STMN3: variants seen among roughly 807,000 people sequenced by gnomAD.
STMN3 encodes stathmin 3.
A neutral mutation model predicts 23.2 loss-of-function variants in STMN3; 24 were observed. The ratio of observed to expected loss-of-function variants is 1.03; its 90% CI spans 0.75 to 1.45. The LOEUF is 1.45. STMN3 is among the 40% of genes most tolerant of loss of function. The probability of loss-of-function intolerance (pLI) is 0.00; values close to 1 mark genes in which losing one functional copy is unlikely to be tolerated. For missense variants in STMN3, 235 were observed against 237.6 expected, an observed-to-expected ratio of 0.99 and a Z score of 0.07; for synonymous variants, 117 against 103.4, an observed-to-expected ratio of 1.13 and a Z score of -0.80.
chr20:63,644,414 G>A (rs2089793355), intron 1 of STMN3, 105 bp from the exon 2 acceptor site: 1 of 823,640 alleles, frequency 1.2e-6, no homozygotes, highest in South Asian at 1.5e-5. Context: ...GTGAGACACG[G>A]AGCTGCCCAG....
At chr20:63,644,428 GCT>G (rs2089793461) in intron 1 of STMN3, 119 bp from the exon 2 acceptor site, 2 of 729,942 alleles carry the variant, frequency 2.7e-6, no homozygotes, top group African/African-American at 1.7e-5. Context: ...TGCCCAGCAC[GCT>G]CTCTTGTGTG....
At position 63,647,834 on chromosome 20, in the gene STMN3, A is replaced by G. The variant is rs995381779; in HGVS notation, c.20-3525T>C. ...ACGTGTATATATAATATATATACGT[A>G]TATATGTATATATTAATATATATAC... On this transcript the variant is annotated intron_variant, in intron 1 of 4. Transcript: ENST00000370053. Among the ~76,000 whole-genome samples, 54 of 127,604 alleles carry G rather than the reference A, an allele frequency of 4.2e-4. 4 individuals are homozygous for G. Among genetic ancestry groups the G allele is most frequent in the Non-Finnish European group, 7.3e-4 (43 of 59,162 alleles). The allele number at this position is 127,604 out of a possible 152,430, so 83.7% of individuals were successfully genotyped here.
In STMN3 at chr20:63,641,345, G is replaced by C; in HGVS notation, c.536C>G (p.Ser179Trp). The change falls in exon 5 of 5, where the codon TCG becomes TGG. Residue 179 changes from serine to tryptophan, a missense_variant. By Grantham distance (177) the Ser-to-Trp change is radical. Coordinates refer to ENST00000370053, the MANE Select transcript of STMN3 (RefSeq NM_015894.4). ...RRNKEQREEM[S>W]G ...GCCGCCCGTCCCGGGCCCTTAGCCC[G>C]ACATCTCTTCTCGCTGCTCCTTGTT... 2 of 1,566,504 alleles carry C rather than the reference G, an allele frequency of 1.3e-6. No homozygotes were observed. Among genetic ancestry groups the C allele is most frequent in the Non-Finnish European group, 1.7e-6 (2 of 1,156,442 alleles).
intron 4 of STMN3, 23 bp from the exon 5 acceptor site, chr20:63,641,420 GC>G (rs1446082122): frequency 6.4e-7 from 1 of 1,553,410 alleles, no homozygotes; most frequent in Admixed American, 1.9e-5. Flanking sequence ...GGGCGGGAGG[GC>G]CTGAGGGCGG....
At chr20:63,651,552 A>C (rs1274569109) in intron 1 of STMN3, among the ~76,000 whole-genome samples, 1 of 152,150 alleles carries the variant, frequency 6.6e-6, no homozygotes, top group Non-Finnish European at 1.5e-5. Context: ...AGGAGCCACC[A>C]GCCGATTTGC....
At position 63,653,335 on chromosome 20, in the gene STMN3, G is replaced by T. The variant is rs1264062983; in HGVS notation, c.11C>A (p.Thr4Asn). 2 of 1,548,304 alleles carry T rather than the reference G, an allele frequency of 1.3e-6. No individual in the cohort carries two copies. Among genetic ancestry groups the T allele is most frequent in the South Asian group, 1.2e-5 (1 of 84,078 alleles). Residue 4 changes from threonine (T) to asparagine (N), a missense_variant, in exon 1 of 5, where the codon ACC becomes AAC. By Grantham distance (65) the Thr-to-Asn change is moderately conservative (BLOSUM62 0). Transcript: ENST00000370053. ...GTGGCCCCGGAGCCTACCGGAAATG[G>T]TGCTGGCCATGGTGCTGGCGGCGGT... MAS[T>N]ISAYKEKMKE... is the part of the protein sequence containing the mutation.
Position 63,640,308 on chromosome 20 carries a change from G to A in STMN3, c.*1030C>T, listed in dbSNP as rs149523829. Reference sequence around the variant, plus strand: ...CAGCCCAGAGGGTGTGGGCAGGAGAGGCCTGGAGTCAGGCCTCCACCCACA... The same window carrying A: ...CAGCCCAGAGGGTGTGGGCAGGAGAAGCCTGGAGTCAGGCCTCCACCCACA... On this transcript the variant is annotated 3_prime_UTR_variant, in exon 5 of 5. Transcript: ENST00000370053. 2.0e-3 allele frequency: 300 copies of A among 152,686 alleles called. No individual in the cohort carries two copies. Among genetic ancestry groups the A allele is most frequent in the African/African-American group, 6.9e-3 (287 of 41,520 alleles). The allele number at this position is 152,686 out of a possible 1,614,324, so 9.5% of individuals were successfully genotyped here.
At position 63,643,855 on chromosome 20, in the gene STMN3, C is replaced by T. The variant is rs549894362; in HGVS notation, c.192G>A (p.Leu64=). The change falls in exon 3 of 5, where the codon CTG becomes CTA. Residue 64 remains leucine, a synonymous_variant. Transcript: ENST00000370053. The stretch of plus-strand genomic sequence containing the variant: ...AGGAGAGCATAGGGCTCTCTGGGGA[C>T]AGGTCAGAAGGGGACTTGAGGATGA... ...FEVILKSPSD[L]SPESPMLSSP... is the part of the protein sequence containing the mutation. 2 of 1,580,526 alleles carry T rather than the reference C, an allele frequency of 1.3e-6. No individual in the cohort carries two copies. The highest frequency in any genetic ancestry group is 2.3e-5 in the South Asian group (2 of 85,264).
chr20:63,647,755 A>G (rs1350939942), intron 1 of STMN3, among the ~76,000 whole-genome samples: 1 of 125,348 alleles, frequency 8.0e-6, no homozygotes, highest in Non-Finnish European at 1.7e-5. Flanking sequence ...GTATATATAT[A>G]ATATATATAC....
chr20:63,647,295 C>A (rs1458686024), intron 1 of STMN3, among the ~76,000 whole-genome samples: 2 of 132,832 alleles, frequency 1.5e-5, no homozygotes, highest in Admixed American at 1.5e-4. Flanking sequence ...GAGCAAGACT[C>A]CCGTCTCAAA....
chr20:63,652,579 A>T lies in STMN3; in HGVS notation c.19+748T>A. The T allele has an allele frequency of 1.0e-6, 1 of 985,056 alleles. No homozygotes were observed. Among genetic ancestry groups the T allele is most frequent in the Non-Finnish European group, 1.2e-6 (1 of 829,728 alleles). 61.0% of individuals were successfully genotyped at this position (985,056 alleles called of 1,614,324 possible). On this transcript the variant is annotated intron_variant, in intron 1 of 4. Coordinates refer to ENST00000370053, the MANE Select transcript of STMN3 (RefSeq NM_015894.4). The surrounding 1 kb of genome is among the most constrained non-coding windows in gnomAD (Gnocchi z 5.3). ...AGGCCGGGGTGGGCGCTACCTTCGA[A>T]GGCGGTGGGTCCGCCCCGCGGGAGG...
At chr20:63,647,905 C>T (rs1454223286) in intron 1 of STMN3, among the ~76,000 whole-genome samples, 13 of 112,224 alleles carry the variant, frequency 1.2e-4, no homozygotes, top group South Asian at 5.3e-4. Flanking sequence ...TATATATACA[C>T]GTGTGTATAT....
At chr20:63,641,857 C>T (rs1228139553) in intron 4 of STMN3, among the ~76,000 whole-genome samples, 2 of 148,818 alleles carry the variant, frequency 1.3e-5, no homozygotes, top group Non-Finnish European at 3.0e-5. Context: ...CGCCCCCGCC[C>T]AGTGCCCCGC....
Position 63,644,215 on chromosome 20 carries a change from C to T in STMN3, c.114G>A (p.Gly38=), listed in dbSNP as rs766099123. The T allele has an allele frequency of 1.3e-5, 21 of 1,612,214 alleles. No homozygotes were observed. The highest frequency in any genetic ancestry group is 1.6e-4 in the Middle Eastern group (1 of 6,078). The change falls in exon 2 of 5, where the codon GGG becomes GGA. Residue 38 remains glycine (G), a splice_region_variant and synonymous_variant. Transcript: ENST00000370053. ...QPHPNTVYQY[G]DMEVKQLDKR... is the part of the protein sequence containing the mutation. ...GGCAGGCGGCAGCCAGGCACTCACC[C>T]CCGTACTGGTAGACGGTATTGGGGT...
rs757910176 is a variant in STMN3, at chr20:63,643,849, T to C, written c.198A>G (p.Pro66=). 6.3e-7 allele frequency: 1 copy of C among 1,579,378 alleles called. No individual in the cohort carries two copies. Among genetic ancestry groups the C allele is most frequent in the Non-Finnish European group, 8.5e-7 (1 of 1,170,896 alleles). ...VILKSPSDLS[P]ESPMLSSPPK... is the part of the protein sequence containing the mutation. The stretch of plus-strand genomic sequence containing the variant: ...GTGGGGAGGAGAGCATAGGGCTCTC[T>C]GGGGACAGGTCAGAAGGGGACTTGA... Residue 66 remains proline (P), a synonymous_variant, in exon 3 of 5, where the codon CCA becomes CCG. Transcript: ENST00000370053.
In STMN3 at chr20:63,643,951, T is replaced by C. The variant is rs772050525; in HGVS notation, c.116-20A>G. On this transcript the variant is annotated intron_variant, in intron 2 of 4. Coordinates refer to ENST00000370053, the MANE Select transcript of STMN3 (RefSeq NM_015894.4). ...CCATGTCTGCAGGGCAAGACCAGAG[T>C]AGAGCTTCAGAGGCCCGGCCAGGGC... 6.3e-7 allele frequency: 1 copy of C among 1,588,202 alleles called. No homozygotes were observed. Among genetic ancestry groups the C allele is most frequent in the Non-Finnish European group, 8.5e-7 (1 of 1,173,776 alleles).
In STMN3 at chr20:63,640,846, C is replaced by G. The variant is rs1443157269; in HGVS notation, c.*492G>C. The G allele has an allele frequency of 1.3e-5, 3 of 226,068 alleles. 1 individual carries two copies. The highest frequency in any genetic ancestry group is 2.7e-5 in the Non-Finnish European group (3 of 111,040). The allele number at this position is 226,068 out of a possible 1,614,324, so 14.0% of individuals were successfully genotyped here. On this transcript the variant is annotated 3_prime_UTR_variant, in exon 5 of 5. Transcript: ENST00000370053. ...CAGTTCAACAAGCACCGGCTGCACA[C>G]GCAGGCTCCCAGGCACCATCACCCC...
In STMN3 at chr20:63,641,281, C is replaced by G. The variant is rs982594384; in HGVS notation, c.*57G>C. 12 of 1,524,488 alleles carry G rather than the reference C, an allele frequency of 7.9e-6. No homozygotes were observed. In the Admixed American group the frequency reaches 1.4e-4, roughly 17 times the overall value. 94.4% of individuals were successfully genotyped at this position (1,524,488 alleles called of 1,614,324 possible). On this transcript the variant is annotated 3_prime_UTR_variant, in exon 5 of 5. Transcript: ENST00000370053. The stretch of plus-strand genomic sequence containing the variant: ...TGCATCTAGACAGAGGTGAACGAAA[C>G]AAAACCAAAACCCGAACGTGTTCTG...
intron 1 of STMN3, among the ~76,000 whole-genome samples, chr20:63,651,322 G>A (rs533474480): frequency 6.6e-6 from 1 of 152,304 alleles, no homozygotes; most frequent in African/African-American, 2.4e-5. Context: ...GCATCACACA[G>A]AGTGCCGGGT....
Sources: allele counts gnomAD v4.1 joint callset (sites outside exome capture counted in the v4.1 genomes callset), GRCh38; gene constraint gnomAD v4.1.1; non-coding constraint Gnocchi (gnomAD v3.1); transcripts MANE v1.5; gene names NCBI Gene and HGNC (gene_info 2026-07-23, HGNC 2026-07-21).